Variants in OLFML2B observed in about 807,000 individuals in gnomAD.
The protein encoded by OLFML2B is olfactomedin-like protein 2B.
Under a neutral mutation model 74.9 loss-of-function variants are expected in OLFML2B, and 57 were observed. That is an observed-to-expected ratio of 0.76 (90% confidence interval 0.61 to 0.95). The LOEUF (loss-of-function observed/expected upper bound fraction) is 0.95, where lower values mean the gene tolerates loss of function less well. Among genes scored for constraint, OLFML2B ranks in the 40% least tolerant of loss-of-function variants. The probability of loss-of-function intolerance (pLI) is 0.00; values close to 1 mark genes in which losing one functional copy is unlikely to be tolerated. For synonymous variants in OLFML2B, 388 were observed against 405.8 expected, an observed-to-expected ratio of 0.96 and a Z score of 0.53; for missense variants, 986 against 970.6, an observed-to-expected ratio of 1.02 and a Z score of -0.21.
chr1:162,013,408 G>C (rs1441768010), intron 3 of OLFML2B, among the ~76,000 whole-genome samples: 1 of 152,178 alleles, frequency 6.6e-6, no homozygotes, highest in Non-Finnish European at 1.5e-5. Flanking sequence ...TTGGAGTTAA[G>C]TTTCTAGAAC....
At chr1:162,009,639 A>G (rs974318872) in intron 3 of OLFML2B, among the ~76,000 whole-genome samples, 7 of 152,206 alleles carry the variant, frequency 4.6e-5, no homozygotes, top group Admixed American at 1.3e-4. Context: ...CCTCACGGGA[A>G]TGGCAAAGCC....
chr1:162,015,547 G>A (rs934055182), intron 3 of OLFML2B, among the ~76,000 whole-genome samples: 8 of 152,318 alleles, frequency 5.3e-5, no homozygotes, highest in South Asian at 2.1e-4. Flanking sequence ...CTATAGAAGA[G>A]CAATCCTTTT....
chr1:161,995,247 C>CG (rs1689860103), intron 6 of OLFML2B, among the ~76,000 whole-genome samples: 1 of 151,748 alleles, frequency 6.6e-6, no homozygotes, highest in Non-Finnish European at 1.5e-5. Context: ...CTGGGCCACC[C>CG]CTCCTCTCAC....
In OLFML2B at chr1:161,984,883, C is replaced by T; in HGVS notation, c.1572G>A (p.Lys524=). The part of the protein sequence containing the change: ...EGAWMKDPLA[K]DERIYVTNYY... ...AGTTGGTTACGTAAATCCGCTCATC[C>T]TTGGCCAGGGGGTCCTTCATCCAGG... is the stretch of plus-strand genomic sequence containing the variant. Residue 524 remains lysine (K), a synonymous_variant, in exon 7 of 8, where the codon AAG becomes AAA. Transcript: ENST00000294794. The T allele has an allele frequency of 1.2e-6, 2 of 1,612,236 alleles. No homozygotes were observed. Among genetic ancestry groups the T allele is most frequent in the Non-Finnish European group, 1.7e-6 (2 of 1,179,766 alleles).
intron 3 of OLFML2B, among the ~76,000 whole-genome samples, chr1:162,017,150 G>A (rs1459462641): frequency 6.6e-6 from 1 of 152,146 alleles, no homozygotes; most frequent in Non-Finnish European, 1.5e-5. Flanking sequence ...GAAAGACATT[G>A]GTTATATGAT....
chr1:162,021,379 G>C (rs1690699742), intron 1 of OLFML2B, among the ~76,000 whole-genome samples: 2 of 152,332 alleles, frequency 1.3e-5, no homozygotes, highest in Admixed American at 1.3e-4. Flanking sequence ...GCGACAGTAG[G>C]CTTTCTGGAG....
chr1:161,993,725 T>C (rs1241033749), intron 6 of OLFML2B, among the ~76,000 whole-genome samples: 1 of 152,186 alleles, frequency 6.6e-6, no homozygotes, highest in African/African-American at 2.4e-5. Flanking sequence ...CGCATGCTCT[T>C]GGCTCTGCCT....
chr1:162,008,757 C>T (rs1315619950), intron 3 of OLFML2B, among the ~76,000 whole-genome samples: 1 of 152,180 alleles, frequency 6.6e-6, no homozygotes, highest in African/African-American at 2.4e-5. Flanking sequence ...ACTCTGTGTA[C>T]ACATTAAAGT....
intron 6 of OLFML2B, among the ~76,000 whole-genome samples, chr1:161,994,939 T>C (rs533729295): frequency 1.3e-5 from 2 of 152,324 alleles, no homozygotes; most frequent in South Asian, 4.1e-4. Context: ...AAAATCAAAA[T>C]TGCTGGATTC....
intron 4 of OLFML2B, among the ~76,000 whole-genome samples, chr1:162,002,006 C>T (rs1228153952): frequency 6.6e-6 from 1 of 152,204 alleles, no homozygotes; most frequent in East Asian, 1.9e-4. Flanking sequence ...GAGCTGCTGC[C>T]CAAGGAGGAG....
At chr1:161,999,609 G>C (rs1345196744) in intron 5 of OLFML2B, among the ~76,000 whole-genome samples, 1 of 152,196 alleles carries the variant, frequency 6.6e-6, no homozygotes, top group Non-Finnish European at 1.5e-5. Context: ...AGGCGAGGAG[G>C]AGCACAGGAA....
intron 5 of OLFML2B, 53 bp downstream of exon 5, chr1:162,000,060 G>A: frequency 7.2e-7 from 1 of 1,398,514 alleles, no homozygotes; most frequent in Non-Finnish European, 9.9e-7. Flanking sequence ...TGGTCCAAAT[G>A]GTGACTTCCT....
chr1:162,003,467 A>G (rs1690134716), intron 4 of OLFML2B, among the ~76,000 whole-genome samples: 1 of 152,218 alleles, frequency 6.6e-6, no homozygotes, highest in Admixed American at 6.5e-5. Context: ...AAGGAGATGG[A>G]GCAAGACCAT....
intron 5 of OLFML2B, 24 bp from the exon 6 acceptor site, chr1:161,998,373 C>A: frequency 6.5e-7 from 1 of 1,531,840 alleles, no homozygotes; most frequent in Non-Finnish European, 8.8e-7. Context: ...ACAAGGTTCA[C>A]TGTGGCACGG....
In OLFML2B at chr1:162,023,344, G is replaced by C; in HGVS notation, c.87C>G (p.Ser29Arg). 1 of 1,607,150 alleles carries C rather than the reference G, an allele frequency of 6.2e-7. No individual in the cohort carries two copies. The highest frequency in any genetic ancestry group is 8.5e-7 in the Non-Finnish European group (1 of 1,175,786). The change falls in exon 1 of 8, where the codon AGC becomes AGG. Residue 29 changes from serine (S) to arginine (R), a missense_variant. Coordinates refer to ENST00000294794, the MANE Select transcript of OLFML2B (RefSeq NM_015441.3). ...CCACTGTCTGCGCATCTGGGGGCTC[G>C]CTTGTCCCTGTGAGGACAATGCTGG... Reference protein sequence around the residue: ...WVSSIVLTGTSEPPDAQTVAP... With the variant: ...WVSSIVLTGTREPPDAQTVAP...
chr1:161,995,730 T>C (rs145242727), intron 6 of OLFML2B, among the ~76,000 whole-genome samples: 4 of 152,326 alleles, frequency 2.6e-5, no homozygotes, highest in Admixed American at 6.5e-5. Flanking sequence ...GTGTGGGTCC[T>C]ACCTGCAGCC....
At chr1:161,992,008 C>T (rs1484584503) in intron 6 of OLFML2B, among the ~76,000 whole-genome samples, 1 of 152,202 alleles carries the variant, frequency 6.6e-6, no homozygotes. Context: ...GACCTCTCCT[C>T]TTTAATTATG....
intron 6 of OLFML2B, among the ~76,000 whole-genome samples, chr1:161,997,047 C>A (rs566794721): frequency 6.6e-6 from 1 of 152,254 alleles, no homozygotes; most frequent in African/African-American, 2.4e-5. Flanking sequence ...GTCCCAGCTA[C>A]TTGGGAGGCT....
chr1:162,020,012 C>G lies in OLFML2B; in HGVS notation c.345G>C (p.Lys115Asn). 6.2e-7 allele frequency: 1 copy of G among 1,614,220 alleles called. No homozygotes were observed. Among genetic ancestry groups the G allele is most frequent in the South Asian group, 1.1e-5 (1 of 91,082 alleles). Residue 115 changes from lysine (K) to asparagine (N), a missense_variant, in exon 2 of 8, where the codon AAG (lysine) becomes AAC (asparagine). Transcript: ENST00000294794. ...VETITSGSSCKCACVAPPSAL... is the reference protein window; with the variant it reads ...VETITSGSSCNCACVAPPSAL... ...CCGATGGGGGTGCTACACAGGCACA[C>G]TTGCACGACGAGCCTGAGGTGATGG...
Sources: gnomAD v4.1 joint callset for allele counts (sites outside exome capture counted in the v4.1 genomes callset) on GRCh38, gnomAD v4.1.1 for gene constraint, MANE v1.5 for transcripts, NCBI Gene and HGNC (gene_info 2026-07-23, HGNC 2026-07-21) for gene names.